The following CBL variants were observed in gnomAD, a reference collection of about 807,000 sequenced individuals.
The protein encoded by CBL is Cbl proto-oncogene.
CBL carries 45 observed loss-of-function variants against 96.9 expected under a neutral mutation model. The ratio of observed to expected loss-of-function variants is 0.46; its 90% CI spans 0.37 to 0.60. The LOEUF is 0.60. Among genes scored for constraint, CBL ranks in the 20% least tolerant of loss-of-function variants. CBL has a pLI of 0.00. For missense variants in CBL, 1,024 were observed against 1,143.5 expected (o/e 0.90, Z 1.51); for synonymous variants, 420 against 426.8 (o/e 0.98, Z 0.20).
At chr11:119,273,068 A>G (rs148403882) in intron 3 of CBL, among the ~76,000 whole-genome samples, 1 of 151,878 alleles carries the variant, frequency 6.6e-6, no homozygotes, top group Admixed American at 6.6e-5. Context: ...CGCAGCCTCA[A>G]ACTCTTGGAT....
chr11:119,283,731 G>T (rs1397074557), intron 9 of CBL, among the ~76,000 whole-genome samples: 1 of 141,032 alleles, frequency 7.1e-6, no homozygotes, highest in Admixed American at 7.4e-5. Context: ...TCCGCCTCCC[G>T]GGTTCATGCC....
chr11:119,243,450 C>G (rs1349260841), intron 2 of CBL, among the ~76,000 whole-genome samples: 2 of 151,358 alleles, frequency 1.3e-5, no homozygotes, highest in East Asian at 3.9e-4. Context: ...CTGCGCCCAG[C>G]CTACTGTTAG....
At chr11:119,270,693 G>T (rs1313515598) in intron 2 of CBL, among the ~76,000 whole-genome samples, 2 of 151,502 alleles carry the variant, frequency 1.3e-5, no homozygotes, top group Non-Finnish European at 2.9e-5. Flanking sequence ...TGATCCGCCC[G>T]CCTCGGCCTC....
At chr11:119,283,929 G>A (rs11821826) in intron 9 of CBL, among the ~76,000 whole-genome samples, 3 of 151,926 alleles carry the variant, frequency 2.0e-5, no homozygotes, top group African/African-American at 4.8e-5. Flanking sequence ...GAGCCACCAC[G>A]CCTGGCCTTA....
At chr11:119,256,675 G>T (rs532018132) in intron 2 of CBL, among the ~76,000 whole-genome samples, 31 of 149,588 alleles carry the variant, frequency 2.1e-4, no homozygotes, top group African/African-American at 7.3e-4. Context: ...ATTGTACCCA[G>T]TATGTAGTTT....
chr11:119,297,473 G>T lies in CBL; in HGVS notation c.2243G>T (p.Ser748Ile). The T allele has an allele frequency of 6.2e-7, 1 of 1,609,486 alleles. No individual in the cohort carries two copies. The highest frequency in any genetic ancestry group is 1.1e-5 in the South Asian group (1 of 90,980). ...QSQAPSITES[S>I]TFGEGNLAAA... ...CAGGCGCCATCTATCACCGAGAGCAGCACCTTTGGTAAGTTGCCATTCTGC... is the reference window on the plus strand; with the variant it reads ...CAGGCGCCATCTATCACCGAGAGCATCACCTTTGGTAAGTTGCCATTCTGC... The change falls in exon 14 of 16, where the codon AGC becomes ATC. Residue 748 changes from serine to isoleucine, a missense_variant. Physicochemically the swap from Ser to Ile is moderately radical, Grantham distance 142. Transcript: ENST00000264033.
intron 2 of CBL, among the ~76,000 whole-genome samples, chr11:119,270,208 A>C (rs1949832646): frequency 6.7e-6 from 1 of 149,870 alleles, no homozygotes; most frequent in African/African-American, 2.4e-5. Context: ...AGTAGAGACT[A>C]CATCTGGTAT....
At chr11:119,221,178 G>A (rs2135256986) in intron 1 of CBL, among the ~76,000 whole-genome samples, 1 of 151,972 alleles carries the variant, frequency 6.6e-6, no homozygotes, top group Middle Eastern at 3.4e-3. Flanking sequence ...GGGAGGTGGA[G>A]GCTGCAGTGA....
At position 119,232,524 on chromosome 11, in the gene CBL, C is replaced by G; in HGVS notation, c.272C>G (p.Thr91Ser). 6.2e-7 allele frequency: 1 copy of G among 1,613,828 alleles called. No individual in the cohort carries two copies. The highest frequency in any genetic ancestry group is 8.5e-7 in the Non-Finnish European group (1 of 1,179,768). The stretch of plus-strand genomic sequence containing the variant: ...TATATCTTAGACCTGCTACCAGATA[C>G]CTACCAGCATCTCCGTACTATCTTG... Reference protein sequence around the residue: ...PPYILDLLPDTYQHLRTILSR... With the variant: ...PPYILDLLPDSYQHLRTILSR... Residue 91 changes from threonine to serine, a missense_variant, in exon 2 of 16, where the codon ACC becomes AGC. Thr to Ser is a moderately conservative substitution (Grantham distance 58). Transcript: ENST00000264033.
In CBL at chr11:119,305,127, GC is replaced by G. The variant is rs1591274261; in HGVS notation, c.*5348del. The G allele has an allele frequency of 4.5e-6, 1 of 222,918 alleles. No individual in the cohort carries two copies. The highest frequency in any genetic ancestry group is 2.2e-5 in the African/African-American group (1 of 44,790). 13.8% of individuals were successfully genotyped at this position (222,918 alleles called of 1,614,324 possible). A position where few individuals can be genotyped will look rare whatever the true frequency, so the allele number is the denominator to read the frequency against. ...CTCAAGAAGTAAAGCCACTACTCCTGCCTTTTTGCTTAGTGGACAGGAAGGC... is the reference window on the plus strand; with the variant it reads ...CTCAAGAAGTAAAGCCACTACTCCTGCTTTTTGCTTAGTGGACAGGAAGGC... On this transcript the variant is annotated 3_prime_UTR_variant, in exon 16 of 16. Transcript: ENST00000264033.
In CBL at chr11:119,293,781, A is replaced by G. The variant is rs116499349; in HGVS notation, c.2037-3137A>G. Among the ~76,000 whole-genome samples, 467 of 152,276 alleles carry G rather than the reference A, an allele frequency of 3.1e-3. 1 individual carries two copies. Among genetic ancestry groups the G allele is most frequent in the African/African-American group, 0.01 (421 of 41,558 alleles). On this transcript the variant is annotated intron_variant, in intron 12 of 15. Coordinates refer to ENST00000264033, the MANE Select transcript of CBL (RefSeq NM_005188.4). Reference sequence around the variant, plus strand: ...AGTTTATTTAGCCCACGCTTTTGGAAGCTGGAATGTTGAAAAGCATGGCGC... The same window carrying G: ...AGTTTATTTAGCCCACGCTTTTGGAGGCTGGAATGTTGAAAAGCATGGCGC...
intron 12 of CBL, among the ~76,000 whole-genome samples, chr11:119,291,272 G>T (rs766620069): frequency 3.9e-5 from 6 of 152,260 alleles, no homozygotes; most frequent in South Asian, 2.1e-4. Context: ...CACGCCTATA[G>T]TCCCAGCTAC....
At position 119,306,924 on chromosome 11, in the gene CBL, A is replaced by C. The variant is rs146650854; in HGVS notation, c.*7143A>C. On this transcript the variant is annotated 3_prime_UTR_variant, in exon 16 of 16. Transcript: ENST00000264033. ...ATCTTTTTCCTTTACTCAAAACAAAACAATTTTTAGCACACTGAAAAAAAA... is the reference window on the plus strand; with the variant it reads ...ATCTTTTTCCTTTACTCAAAACAAACCAATTTTTAGCACACTGAAAAAAAA... 4.9e-4 allele frequency: 111 copies of C among 228,846 alleles called. No individual in the cohort carries two copies. In the East Asian group the frequency reaches 6.6e-3, roughly 14 times the overall value. The allele number at this position is 228,846 out of a possible 1,614,324, so 14.2% of individuals were successfully genotyped here. A position where few individuals can be genotyped will look rare whatever the true frequency, so the allele number is the denominator to read the frequency against.
intron 9 of CBL, among the ~76,000 whole-genome samples, chr11:119,280,681 T>A (rs1229074446): frequency 6.6e-6 from 1 of 152,184 alleles, no homozygotes; most frequent in Non-Finnish European, 1.5e-5. Context: ...CACCTCTCTG[T>A]CCCCTCGTTC....
intron 12 of CBL, among the ~76,000 whole-genome samples, chr11:119,293,878 A>G (rs1950046301): frequency 6.6e-6 from 1 of 152,186 alleles, no homozygotes; most frequent in Non-Finnish European, 1.5e-5. Context: ...TAAGTTTCCA[A>G]CATGTGAAAC....
At position 119,296,942 on chromosome 11, in the gene CBL, A is replaced by G. The variant is rs1187347379; in HGVS notation, c.2061A>G (p.Pro687=). Residue 687 remains proline, a synonymous_variant, in exon 13 of 16, where the codon CCA becomes CCG. Coordinates refer to ENST00000264033, the MANE Select transcript of CBL (RefSeq NM_005188.4). ...GACCTCTTCCTGTGCCAAAACTGCC[A>G]CCTGGGGAGCAATGTGAGGGTGAAG... is the stretch of plus-strand genomic sequence containing the variant. ...AARPLPVPKL[P]PGEQCEGEED... The G allele has an allele frequency of 6.2e-7, 1 of 1,608,618 alleles. No individual in the cohort carries two copies. The highest frequency in any genetic ancestry group is 8.5e-7 in the Non-Finnish European group (1 of 1,174,972).
At chr11:119,234,904 A>G (rs1949531092) in intron 2 of CBL, among the ~76,000 whole-genome samples, 1 of 152,242 alleles carries the variant, frequency 6.6e-6, no homozygotes, top group Non-Finnish European at 1.5e-5. Flanking sequence ...AGAAGTCAAG[A>G]AAAGTCTTTT....
chr11:119,288,042 GAAAATA>G (rs1406835809), intron 12 of CBL, 96 bp downstream of exon 12: 1 of 808,930 alleles, frequency 1.2e-6, no homozygotes, highest in East Asian at 2.5e-5. Context: ...GTGTAAAAAA[GAAAATA>G]AAAATCTCTG....
rs1474621886 is a variant in CBL, at chr11:119,285,525, G to A, written c.1900G>A (p.Val634Met). ...CTCACAAATGGAGCCCAGACCAGAT[G>A]TGCCTAGGCTCGGAAGCACGTTCAG... ...LPSQMEPRPD[V>M]PRLGSTFSLD... Residue 634 changes from valine to methionine, a missense_variant, in exon 11 of 16, where the codon GTG becomes ATG. Around this residue, in one of 4 missense-constraint regions of CBL, gnomAD observed 695 missense variants for 661.6 expected, o/e 1.05. Coordinates refer to ENST00000264033, the MANE Select transcript of CBL (RefSeq NM_005188.4). 1.2e-6 allele frequency: 2 copies of A among 1,614,124 alleles called. No individual in the cohort carries two copies. The highest frequency in any genetic ancestry group is 1.7e-6 in the Non-Finnish European group (2 of 1,180,006).
Sources: gnomAD v4.1 joint callset for allele counts (sites outside exome capture counted in the v4.1 genomes callset) on GRCh38, gnomAD v4.1.1 for gene constraint, gnomAD v4.1.1 regional missense constraint, MANE v1.5 for transcripts, NCBI Gene and HGNC (gene_info 2026-07-23, HGNC 2026-07-21) for gene names.